The following CCDC60 variants were observed in gnomAD, a reference collection of about 807,000 sequenced individuals.
CCDC60 encodes the protein coiled-coil domain-containing protein 60.
CCDC60 carries 54 observed loss-of-function variants against 63.5 expected under a neutral mutation model. The observed-to-expected ratio is 0.85, with a 90% confidence interval of 0.68 to 1.07. CCDC60 has a LOEUF of 1.07. Ranked by LOEUF, CCDC60 falls within the 50% of genes least tolerant of loss-of-function variation. The probability of loss-of-function intolerance (pLI) is 0.00; values close to 1 mark genes in which losing one functional copy is unlikely to be tolerated. For missense variants in CCDC60, 651 were observed against 684.3 expected, an observed-to-expected ratio of 0.95 and a Z score of 0.54; for synonymous variants, 206 against 238.8, an observed-to-expected ratio of 0.86 and a Z score of 1.27.
In CCDC60 at chr12:119,464,050, A is replaced by T. The variant is rs151128134; in HGVS notation, c.171-7944A>T. ...CTTCCTTTTTTCTTCCCTCCCTCCC[A>T]TTTTCCCTTCCTTCCTCTGCGCCTG... On this transcript the variant is annotated intron_variant, in intron 2 of 13. Transcript: ENST00000327554. Among the ~76,000 whole-genome samples, 295 of 129,812 alleles carry T rather than the reference A, an allele frequency of 2.3e-3. 9 individuals are homozygous for T. The highest frequency in any genetic ancestry group is 0.019 in the South Asian group (79 of 4,212). 85.2% of individuals were successfully genotyped at this position (129,812 alleles called of 152,430 possible).
intron 1 of CCDC60, among the ~76,000 whole-genome samples, chr12:119,341,106 T>G (rs148719703): frequency 1.3e-5 from 2 of 152,310 alleles, no homozygotes; most frequent in Non-Finnish European, 2.9e-5. Context: ...TGGTTTTTTG[T>G]TTTGTTTTGT....
intron 1 of CCDC60, among the ~76,000 whole-genome samples, chr12:119,361,580 A>G (rs1157006943): frequency 2.0e-5 from 3 of 152,176 alleles, no homozygotes; most frequent in African/African-American, 7.2e-5. Flanking sequence ...ATCACCCCTG[A>G]GTTATTCACT....
chr12:119,469,175 C>T (rs1035099996), intron 2 of CCDC60, among the ~76,000 whole-genome samples: 3 of 152,122 alleles, frequency 2.0e-5, no homozygotes, highest in African/African-American at 7.2e-5. Context: ...AGAGGATGCT[C>T]CTCTGTTGTC....
chr12:119,390,776 C>G (rs1379736864), intron 1 of CCDC60, among the ~76,000 whole-genome samples: 1 of 152,242 alleles, frequency 6.6e-6, no homozygotes, highest in African/African-American at 2.4e-5. Context: ...GTTCCCGAGC[C>G]ACACTTTGAG....
intron 2 of CCDC60, among the ~76,000 whole-genome samples, chr12:119,431,152 T>C (rs577375291): frequency 6.6e-6 from 1 of 152,334 alleles, no homozygotes; most frequent in South Asian, 2.1e-4. Flanking sequence ...ACAGAGCCAA[T>C]TTATCAAGAC....
intron 1 of CCDC60, among the ~76,000 whole-genome samples, chr12:119,367,865 A>G (rs1013299549): frequency 6.6e-6 from 1 of 151,942 alleles, no homozygotes; most frequent in African/African-American, 2.4e-5. Context: ...CCAGGGGCTC[A>G]GAAGCCTGGG....
chr12:119,364,678 G>A (rs964056933), intron 1 of CCDC60, among the ~76,000 whole-genome samples: 5 of 152,008 alleles, frequency 3.3e-5, no homozygotes, highest in African/African-American at 1.2e-4. Flanking sequence ...GTAATTTGCC[G>A]GTGCATCTTA....
At chr12:119,528,541 C>T (rs1952753701) in intron 11 of CCDC60, 74 bp from the exon 12 acceptor site, 7 of 1,503,542 alleles carry the variant, frequency 4.7e-6, no homozygotes, top group Non-Finnish European at 6.3e-6. Context: ...TAAGTCAGAT[C>T]TCAAAGGGCA....
At chr12:119,493,596 A>G (rs17483048) in intron 5 of CCDC60, among the ~76,000 whole-genome samples, 17,585 of 152,154 alleles carry the variant, frequency 0.12, 1,138 homozygotes, top group African/African-American at 0.14. Flanking sequence ...CATTATCACT[A>G]TCATTTCTCA....
chr12:119,496,086 A>T (rs2136398868), intron 5 of CCDC60, among the ~76,000 whole-genome samples: 1 of 152,262 alleles, frequency 6.6e-6, no homozygotes, highest in South Asian at 2.1e-4. Context: ...GGAGGATCAG[A>T]TCATCACTCA....
At chr12:119,472,917 A>C (rs1310400235) in intron 3 of CCDC60, among the ~76,000 whole-genome samples, 1 of 152,184 alleles carries the variant, frequency 6.6e-6, no homozygotes, top group African/African-American at 2.4e-5. Flanking sequence ...TGGTTGGAAA[A>C]GGACTATCAA....
intron 1 of CCDC60, among the ~76,000 whole-genome samples, chr12:119,416,198 A>C (rs749900645): frequency 1.3e-5 from 2 of 152,182 alleles, no homozygotes; most frequent in Non-Finnish European, 2.9e-5. Flanking sequence ...CCTGACCAAC[A>C]TGGAGAAACC....
chr12:119,366,833 G>A (rs10774492), intron 1 of CCDC60, among the ~76,000 whole-genome samples: 79,419 of 151,806 alleles, frequency 0.52, 21,915 homozygotes, highest in South Asian at 0.62. Context: ...AAAACCCTTA[G>A]GGTTTGTTGT....
chr12:119,534,801 T>C (rs1952953729), intron 13 of CCDC60, among the ~76,000 whole-genome samples: 1 of 152,248 alleles, frequency 6.6e-6, no homozygotes, highest in Non-Finnish European at 1.5e-5. Context: ...TTTGATTTGC[T>C]GCTGGACTCG....
chr12:119,509,702 A>G (rs1005260990), intron 7 of CCDC60, among the ~76,000 whole-genome samples: 2 of 152,298 alleles, frequency 1.3e-5, no homozygotes, highest in East Asian at 3.9e-4. Context: ...ACTAACACTT[A>G]AAAGTATTTT....
Position 119,334,942 on chromosome 12 carries a change from A to G in CCDC60, c.-235A>G, listed in dbSNP as rs981619003. 9 of 393,106 alleles carry G rather than the reference A, an allele frequency of 2.3e-5. No individual in the cohort carries two copies. Among genetic ancestry groups the G allele is most frequent in the East Asian group, 1.9e-4 (5 of 26,662 alleles). 24.4% of individuals were successfully genotyped at this position (393,106 alleles called of 1,614,324 possible). ...AAGTTTATAACCTTTCAAAAAGTAAATAAGTCCAGGCTTGCCTGATTCTGC... is the reference window on the plus strand; with the variant it reads ...AAGTTTATAACCTTTCAAAAAGTAAGTAAGTCCAGGCTTGCCTGATTCTGC... On this transcript the variant is annotated 5_prime_UTR_variant, in exon 1 of 14. Transcript: ENST00000327554.
chr12:119,497,415 C>G (rs77991801), intron 5 of CCDC60, among the ~76,000 whole-genome samples: 9 of 152,316 alleles, frequency 5.9e-5, no homozygotes, highest in South Asian at 2.1e-4. Context: ...GCTAACCAGG[C>G]CTTTTCTTTA....
chr12:119,517,802 A>G lies in CCDC60; in HGVS notation c.968+1095A>G, dbSNP rs2136478103. Among the ~76,000 whole-genome samples the G allele has an allele frequency of 1.3e-5, 2 of 152,326 alleles. 1 individual carries two copies. The highest frequency in any genetic ancestry group is 4.1e-4 in the South Asian group (2 of 4,828). On this transcript the variant is annotated intron_variant, in intron 8 of 13. Transcript: ENST00000327554. ...TATGATTAGCTCATAAGGAGGTACT[A>G]TCAGACTTGAACCTAAGACATCCGC...
intron 5 of CCDC60, among the ~76,000 whole-genome samples, chr12:119,493,767 T>C (rs977771093): frequency 6.6e-6 from 1 of 152,210 alleles, no homozygotes; most frequent in African/African-American, 2.4e-5. Context: ...GATCTGATTT[T>C]TTCATGAATG....
Sources: allele counts gnomAD v4.1 joint callset (sites outside exome capture counted in the v4.1 genomes callset), GRCh38; gene constraint gnomAD v4.1.1; transcripts MANE v1.5; gene names NCBI Gene and HGNC (gene_info 2026-07-23, HGNC 2026-07-21).